The following PIWIL1 variants were observed in gnomAD, a reference collection of about 807,000 sequenced individuals.
The protein encoded by PIWIL1 is piwi-like protein 1.
In PIWIL1, 73 loss-of-function variants were observed where a neutral mutation model predicts 114.4. That is an observed-to-expected ratio of 0.64 (90% CI 0.53 to 0.78). The LOEUF is 0.78. Ranked by LOEUF, PIWIL1 falls within the 30% of genes least tolerant of loss-of-function variation. The pLI, the probability that PIWIL1 is intolerant of heterozygous loss-of-function variation, is 0.00. For missense variants in PIWIL1, 723 were observed against 1,063.1 expected (o/e 0.68, Z 4.45); for synonymous variants, 375 against 369.0 (o/e 1.02, Z -0.19).
intron 9 of PIWIL1, among the ~76,000 whole-genome samples, chr12:130,350,677 C>T (rs890787280): frequency 2.0e-5 from 3 of 152,134 alleles, no homozygotes; most frequent in Admixed American, 2.0e-4. Flanking sequence ...ATGTTAAAAG[C>T]GCAGGAAGAT....
the PIWIL1 span, chr12:130,424,542 C>G: frequency 8.1e-7 from 1 of 1,231,856 alleles, no homozygotes; most frequent in African/African-American, 1.6e-5. This position sits in a 1 kb window ranked among gnomAD's most constrained non-coding sequence, Gnocchi z 9.8. Context: ...GGCCGAGCGG[C>G]TGAACCGACA....
intron 1 of PIWIL1, 184 bp from the exon 2 acceptor site, chr12:130,342,396 A>T: frequency 1.7e-6 from 1 of 603,634 alleles, no homozygotes; most frequent in South Asian, 2.2e-5. Context: ...AAGGTAAGCA[A>T]CTGAGTTTGT....
At chr12:130,390,170 G>A in the PIWIL1 span, among the ~76,000 whole-genome samples, 19 of 152,204 alleles carry the variant, frequency 1.2e-4, no homozygotes, top group Admixed American at 9.1e-4. Context: ...ACTCAGCTTC[G>A]TACTCTTAGT....
chr12:130,401,312 C>T, the PIWIL1 span, among the ~76,000 whole-genome samples: 7 of 152,036 alleles, frequency 4.6e-5, no homozygotes, highest in Admixed American at 2.0e-4. Flanking sequence ...GACAGGGTTT[C>T]GCCGTGTTGG....
intron 3 of PIWIL1, 71 bp downstream of exon 3, chr12:130,343,172 C>CAAATTTTAATTTGTACAAAAT: frequency 9.6e-7 from 1 of 1,046,070 alleles, no homozygotes; most frequent in Non-Finnish European, 1.4e-6. Flanking sequence ...TGAATTAAAA[C>CAAATTTTAATTTGTACAAAAT]TTGGTACAAA....
chr12:130,404,764 A>G, the PIWIL1 span, among the ~76,000 whole-genome samples: 10 of 152,238 alleles, frequency 6.6e-5, 1 homozygote, highest in East Asian at 1.9e-3. Flanking sequence ...TCTAAACAAA[A>G]AAGTATAGGT....
At chr12:130,414,230 C>A in the PIWIL1 span, 43 of 1,613,950 alleles carry the variant, frequency 2.7e-5, no homozygotes, top group Non-Finnish European at 3.5e-5. Context: ...AGATCCGGGC[C>A]GGGAGCTCTT....
Position 130,361,498 on chromosome 12 carries a change from C to G in PIWIL1, c.1867C>G (p.Leu623Val). 2.5e-6 allele frequency: 4 copies of G among 1,613,990 alleles called. No individual in the cohort carries two copies. Among genetic ancestry groups the G allele is most frequent in the Non-Finnish European group, 3.4e-6 (4 of 1,179,858 alleles). Residue 623 changes from leucine (L) to valine (V), a missense_variant and splice_region_variant, in exon 16 of 21, where the codon CTG becomes GTG. Around this residue, in one of 8 missense-constraint regions of PIWIL1, gnomAD observed 298 missense variants for 420.8 expected, o/e 0.71. Coordinates refer to ENST00000245255, the MANE Select transcript of PIWIL1 (RefSeq NM_004764.5). ...GGELWRVDIP[L>V]KLVMIVGIDC... The stretch of plus-strand genomic sequence containing the variant: ...TAAAATTACCATATTTGTATTGAAG[C>G]TGAAGCTCGTGATGATCGTTGGCAT...
chr12:130,399,651 A>G, the PIWIL1 span: 3 of 1,613,232 alleles, frequency 1.9e-6, no homozygotes, highest in Non-Finnish European at 1.7e-6. Context: ...CGGGACAGAG[A>G]TTAAAAAGGC....
At chr12:130,361,096 C>G (rs1425760411) in intron 14 of PIWIL1, 84 bp from the exon 15 acceptor site, 1 of 1,118,722 alleles carries the variant, frequency 8.9e-7, no homozygotes, top group Non-Finnish European at 1.3e-6. Flanking sequence ...TGATACTTCA[C>G]AGGTGAGTTT....
chr12:130,411,566 T>C, the PIWIL1 span, among the ~76,000 whole-genome samples: 1 of 152,140 alleles, frequency 6.6e-6, no homozygotes, highest in Non-Finnish European at 1.5e-5. Flanking sequence ...AAAATTTTAA[T>C]CTAACTGATA....
the PIWIL1 span, chr12:130,406,313 C>G: frequency 2.0e-6 from 2 of 1,008,736 alleles, no homozygotes; most frequent in South Asian, 2.9e-5. Flanking sequence ...AAAATAAGTT[C>G]TCTATGCTTT....
chr12:130,383,930 A>C, the PIWIL1 span: 1 of 152,192 alleles, frequency 6.6e-6, no homozygotes, highest in Admixed American at 6.5e-5. Context: ...GTTTACAGAA[A>C]CTTGATCATA....
At chr12:130,419,104 G>C in the PIWIL1 span, among the ~76,000 whole-genome samples, 1 of 152,200 alleles carries the variant, frequency 6.6e-6, no homozygotes, top group African/African-American at 2.4e-5. This position sits in a 1 kb window ranked among gnomAD's most constrained non-coding sequence, Gnocchi z 4.3. Flanking sequence ...ACCAAACCTC[G>C]ACAGGGAAAG....
the PIWIL1 span, among the ~76,000 whole-genome samples, chr12:130,416,168 C>A: frequency 6.6e-6 from 1 of 152,126 alleles, no homozygotes; most frequent in Non-Finnish European, 1.5e-5. Context: ...CCTACAGATT[C>A]AATGCTATTT....
chr12:130,397,266 A>G, the PIWIL1 span: 3 of 396,340 alleles, frequency 7.6e-6, no homozygotes. Flanking sequence ...AGGGGAGAAG[A>G]TTGGGTTTTT....
At chr12:130,373,320 A>G (rs773632700), downstream of PIWIL1, among the ~76,000 whole-genome samples, 18 of 150,830 alleles carry the variant, frequency 1.2e-4, no homozygotes, top group Non-Finnish European at 2.5e-4. Context: ...CTAGTCAGTT[A>G]GTTAAGTCAT....
chr12:130,394,115 C>T, the PIWIL1 span, among the ~76,000 whole-genome samples: 3 of 152,332 alleles, frequency 2.0e-5, no homozygotes, highest in South Asian at 2.1e-4. Flanking sequence ...CATAGCTCCT[C>T]CTGCTCCATG....
the PIWIL1 span, among the ~76,000 whole-genome samples, chr12:130,417,710 C>A: frequency 6.6e-6 from 1 of 152,172 alleles, no homozygotes; most frequent in East Asian, 1.9e-4. Context: ...TGCACATGTA[C>A]CCCAGTGAAT....
Sources: gnomAD v4.1 joint callset for allele counts (sites outside exome capture counted in the v4.1 genomes callset) on GRCh38, gnomAD v4.1.1 for gene constraint, gnomAD v4.1.1 regional missense constraint, Gnocchi (gnomAD v3.1) non-coding constraint, MANE v1.5 for transcripts, NCBI Gene and HGNC (gene_info 2026-07-23, HGNC 2026-07-21) for gene names.